The following DLG2 variants were observed in gnomAD, a reference collection of about 807,000 sequenced individuals.
DLG2 encodes disks large homolog 2.
DLG2 carries 45 observed loss-of-function variants against 132.5 expected under a neutral mutation model. The observed-to-expected ratio is 0.34, with a 90% CI of 0.27 to 0.44. DLG2 has a LOEUF of 0.44. Ranked by LOEUF, DLG2 falls within the 20% of genes least tolerant of loss-of-function variation. The probability of loss-of-function intolerance (pLI) is 1.00; values close to 1 mark genes in which losing one functional copy is unlikely to be tolerated. For synonymous variants in DLG2, 424 were observed against 419.6 expected, an observed-to-expected ratio of 1.01 and a Z score of -0.13; for missense variants, 1,045 against 1,196.9, an observed-to-expected ratio of 0.87 and a Z score of 1.87.
intron 7 of DLG2, among the ~76,000 whole-genome samples, chr11:84,518,594 A>G (rs776204434): frequency 1.2e-4 from 19 of 152,148 alleles, no homozygotes; most frequent in Middle Eastern, 6.8e-3. Context: ...AGCTCTCAAA[A>G]CTGTCAGCAT....
intron 6 of DLG2, among the ~76,000 whole-genome samples, chr11:84,674,497 C>G (rs966204108): frequency 6.6e-6 from 1 of 152,066 alleles, no homozygotes; most frequent in Non-Finnish European, 1.5e-5. Flanking sequence ...TCATATACTT[C>G]TTCAATCTCC....
chr11:85,358,741 A>G (rs1453357113), intron 3 of DLG2, among the ~76,000 whole-genome samples: 1 of 152,230 alleles, frequency 6.6e-6, no homozygotes, highest in Non-Finnish European at 1.5e-5. Context: ...TACTCAGAAT[A>G]GTGTGGCAAT....
intron 18 of DLG2, among the ~76,000 whole-genome samples, chr11:83,666,658 T>C (rs1405042131): frequency 6.6e-6 from 1 of 152,218 alleles, no homozygotes; most frequent in African/African-American, 2.4e-5. Context: ...TCCAGACTTT[T>C]GTTCCCTACG....
chr11:84,530,266 T>C (rs767501268), intron 7 of DLG2, among the ~76,000 whole-genome samples: 3 of 152,132 alleles, frequency 2.0e-5, no homozygotes, highest in Non-Finnish European at 2.9e-5. Flanking sequence ...TCAAACACAA[T>C]TCTGACAAAA....
chr11:83,806,429 G>A (rs2045930579), intron 17 of DLG2, among the ~76,000 whole-genome samples: 1 of 152,106 alleles, frequency 6.6e-6, no homozygotes, highest in Non-Finnish European at 1.5e-5. Flanking sequence ...CATTCCCAAT[G>A]TCTAGGATAG....
intron 15 of DLG2, among the ~76,000 whole-genome samples, chr11:83,914,288 C>A (rs908335097): frequency 3.9e-5 from 6 of 152,148 alleles, no homozygotes; most frequent in Admixed American, 1.3e-4. Context: ...CTCTCTTCCT[C>A]TCACCATGTG....
chr11:83,759,717 T>C (rs1001980393), intron 18 of DLG2, among the ~76,000 whole-genome samples: 3 of 152,164 alleles, frequency 2.0e-5, no homozygotes, highest in Non-Finnish European at 4.4e-5. Context: ...TTTGTACTCA[T>C]AGTGGTTTTA....
At chr11:83,610,883 A>G (rs951923454) in intron 19 of DLG2, among the ~76,000 whole-genome samples, 8 of 152,200 alleles carry the variant, frequency 5.3e-5, no homozygotes, top group Non-Finnish European at 2.9e-5. Context: ...ACAACCGGTA[A>G]ACAGAAGAAA....
intron 2 of DLG2, among the ~76,000 whole-genome samples, chr11:85,624,228 C>A (rs576467724): frequency 6.6e-6 from 1 of 152,314 alleles, no homozygotes; most frequent in African/African-American, 2.4e-5. Flanking sequence ...TATCCAAGGG[C>A]AGTCCAGAAT....
chr11:85,211,675 C>T lies in DLG2; in HGVS notation c.187-57024G>A, dbSNP rs559616404. The stretch of plus-strand genomic sequence containing the variant: ...AACCAGATAAATTATTGGAACTTTT[C>T]TAGCTCAAGCTTCAAAAAATGGTCC... On this transcript the variant is annotated intron_variant, in intron 4 of 27. Transcript: ENST00000376104. Among the ~76,000 whole-genome samples the T allele has an allele frequency of 1.2e-3, 178 of 152,204 alleles. 1 individual carries two copies. The highest frequency in any genetic ancestry group is 4.1e-3 in the African/African-American group (171 of 41,558).
chr11:85,386,359 G>A (rs537735080), intron 3 of DLG2, among the ~76,000 whole-genome samples: 1 of 152,086 alleles, frequency 6.6e-6, no homozygotes, highest in African/African-American at 2.4e-5. Flanking sequence ...TTTGATCAAA[G>A]CTTCACAATT....
chr11:85,074,717 A>T (rs1001601150), intron 6 of DLG2, among the ~76,000 whole-genome samples: 1 of 151,864 alleles, frequency 6.6e-6, no homozygotes, highest in Non-Finnish European at 1.5e-5. Flanking sequence ...AGAATATAGG[A>T]GGAGACTTGA....
intron 4 of DLG2, among the ~76,000 whole-genome samples, chr11:85,194,831 A>T (rs2080908202): frequency 6.6e-6 from 1 of 152,156 alleles, no homozygotes; most frequent in Non-Finnish European, 1.5e-5. Context: ...TCCTTCATTT[A>T]TTCATTCATA....
intron 18 of DLG2, among the ~76,000 whole-genome samples, chr11:83,743,045 G>C (rs2092647536): frequency 6.6e-6 from 1 of 152,086 alleles, no homozygotes; most frequent in African/African-American, 2.4e-5. Context: ...TCTATCTTTG[G>C]CTGCATTAAT....
chr11:85,420,208 G>A (rs189863620), intron 3 of DLG2, among the ~76,000 whole-genome samples: 64 of 152,272 alleles, frequency 4.2e-4, no homozygotes, highest in South Asian at 4.1e-3. Context: ...CAGGTCTGCT[G>A]GAGTTTGCTG....
intron 9 of DLG2, among the ~76,000 whole-genome samples, chr11:84,139,129 C>T (rs947142085): frequency 2.0e-5 from 3 of 152,038 alleles, no homozygotes; most frequent in African/African-American, 7.3e-5. Context: ...TGATAGCTTG[C>T]CCTGATCATC....
At chr11:85,316,621 GT>G in intron 3 of DLG2, among the ~76,000 whole-genome samples, 2 of 152,012 alleles carry the variant, frequency 1.3e-5, no homozygotes, top group Admixed American at 6.6e-5. Flanking sequence ...TGCCTCTCAT[GT>G]ACAAAAGCTA....
At chr11:84,849,562 T>G (rs2081934670) in intron 6 of DLG2, among the ~76,000 whole-genome samples, 3 of 152,156 alleles carry the variant, frequency 2.0e-5, no homozygotes, top group African/African-American at 7.2e-5. Context: ...CCATAGTCTT[T>G]GCACTTGTGG....
chr11:83,622,780 G>A (rs2061828160), intron 19 of DLG2, among the ~76,000 whole-genome samples: 3 of 152,126 alleles, frequency 2.0e-5, no homozygotes. Flanking sequence ...TGGTTGGTAA[G>A]ATCTCAATTT....
Sources: allele counts gnomAD v4.1 joint callset (sites outside exome capture counted in the v4.1 genomes callset), GRCh38; gene constraint gnomAD v4.1.1; transcripts MANE v1.5; gene names NCBI Gene and HGNC (gene_info 2026-07-23, HGNC 2026-07-21).